Variants in AHR observed in about 807,000 individuals in gnomAD.
AHR encodes the protein aryl hydrocarbon receptor.
A neutral mutation model predicts 86.8 loss-of-function variants in AHR; 40 were observed. The observed-to-expected ratio is 0.46, with a 90% CI of 0.36 to 0.60. The LOEUF (loss-of-function observed/expected upper bound fraction) is 0.60, where lower values mean the gene tolerates loss of function less well. AHR is among the 20% of genes least tolerant of loss of function. AHR has a pLI of 0.00. For synonymous variants in AHR, 398 were observed against 354.9 expected (o/e 1.12, Z -1.37); for missense variants, 1,001 against 1,011.6 (o/e 0.99, Z 0.14).
intron 6 of AHR, among the ~76,000 whole-genome samples, chr7:17,332,675 T>C (rs1229729082): frequency 3.3e-5 from 5 of 151,840 alleles, no homozygotes; most frequent in Non-Finnish European, 7.4e-5. Flanking sequence ...TACAGAAGAG[T>C]CAAAAGTTAA....
intron 3 of AHR, among the ~76,000 whole-genome samples, chr7:17,326,981 G>A (rs901275550): frequency 6.6e-6 from 1 of 151,912 alleles, no homozygotes; most frequent in Non-Finnish European, 1.5e-5. Context: ...GAGAATAAAG[G>A]TATTAGTTGA....
intron 10 of AHR, among the ~76,000 whole-genome samples, chr7:17,342,551 A>G (rs1461553719): frequency 6.6e-6 from 1 of 152,100 alleles, no homozygotes; most frequent in Non-Finnish European, 1.5e-5. Context: ...ATAACTTCAA[A>G]CCTGGTCAAA....
intron 2 of AHR, among the ~76,000 whole-genome samples, chr7:17,316,126 G>T (rs576640645): frequency 6.6e-6 from 1 of 152,138 alleles, no homozygotes; most frequent in African/African-American, 2.4e-5. Flanking sequence ...TCTTAAATTG[G>T]AGAGCCAGAG....
chr7:17,342,848 T>A, intron 10 of AHR, 73 bp from the exon 11 acceptor site: 1 of 1,420,612 alleles, frequency 7.0e-7, no homozygotes, highest in Non-Finnish European at 9.7e-7. Flanking sequence ...AAAATACATG[T>A]TAATGTTATT....
chr7:17,303,162 T>C (rs1203504490), intron 1 of AHR, among the ~76,000 whole-genome samples: 4 of 152,124 alleles, frequency 2.6e-5, no homozygotes, highest in Non-Finnish European at 4.4e-5. Context: ...TTAGCACTTA[T>C]TCTGATACAA....
rs1277044506 is a variant in AHR, at chr7:17,322,626, A to C, written c.360+19A>C. On this transcript the variant is annotated intron_variant, in intron 3 of 10. Transcript: ENST00000242057. Reference sequence around the variant, plus strand: ...ATTACAGGTAAATTTTAGTAAATATAGTTTCTTACACTAAGGACAGTTGTA... The same window carrying C: ...ATTACAGGTAAATTTTAGTAAATATCGTTTCTTACACTAAGGACAGTTGTA... 1 of 1,432,580 alleles carries C rather than the reference A, an allele frequency of 7.0e-7. No homozygotes were observed. Among genetic ancestry groups the C allele is most frequent in the Non-Finnish European group, 9.8e-7 (1 of 1,019,774 alleles). 88.7% of individuals were successfully genotyped at this position (1,432,580 alleles called of 1,614,324 possible).
intron 2 of AHR, among the ~76,000 whole-genome samples, chr7:17,311,872 A>G (rs1473531911): frequency 6.6e-6 from 1 of 152,190 alleles, no homozygotes; most frequent in Non-Finnish European, 1.5e-5. Flanking sequence ...TCCTGACCAA[A>G]TAATACCTAC....
chr7:17,321,190 T>C (rs1782168563), intron 2 of AHR, among the ~76,000 whole-genome samples: 2 of 152,062 alleles, frequency 1.3e-5, no homozygotes. Flanking sequence ...GGTCAGAAAG[T>C]GGCAAGTATC....
chr7:17,330,605 TTA>T (rs1393307196), intron 5 of AHR, 149 bp from the exon 6 acceptor site: 16 of 604,934 alleles, frequency 2.6e-5, no homozygotes, highest in Non-Finnish European at 3.7e-5. Flanking sequence ...TAATAAACTT[TTA>T]GTTTCTTGTC....
At chr7:17,341,119 T>A (rs564423776) in intron 10 of AHR, among the ~76,000 whole-genome samples, 1 of 152,184 alleles carries the variant, frequency 6.6e-6, no homozygotes, top group East Asian at 1.9e-4. Flanking sequence ...AAGAATATCT[T>A]GACTAAAATT....
In AHR at chr7:17,343,493, C is replaced by G. The variant is rs1782448372; in HGVS notation, c.*429C>G. 2.4e-5 allele frequency: 4 copies of G among 164,168 alleles called. No homozygotes were observed. In the Admixed American group the frequency reaches 2.6e-4, roughly 11 times the overall value. The allele number at this position is 164,168 out of a possible 1,614,324, so 10.2% of individuals were successfully genotyped here. On this transcript the variant is annotated 3_prime_UTR_variant, in exon 11 of 11. Transcript: ENST00000242057. ...CCAAATACAAAGTTAGAGAACTAAA[C>G]TAGTTTTTCCTATCATGTTAACCTC...
At chr7:17,334,291 A>G (rs1025639342) in intron 7 of AHR, among the ~76,000 whole-genome samples, 177 bp downstream of exon 7, 8 of 152,060 alleles carry the variant, frequency 5.3e-5, no homozygotes, top group African/African-American at 1.9e-4. Flanking sequence ...CTCACAAATC[A>G]TCTTTTTAAT....
In AHR at chr7:17,340,171, C is replaced by G; in HGVS notation, c.2346C>G (p.His782Gln). ...GCCAGCCAGAACCTCAGCACACCCA[C>G]GTGGGTCAGATGCAGTACAATCCAG... is the stretch of plus-strand genomic sequence containing the variant. ...YQCQPEPQHT[H>Q]VGQMQYNPVL... is the part of the protein sequence containing the mutation. Residue 782 changes from histidine (H) to glutamine (Q), a missense_variant, in exon 10 of 11, where the codon CAC (histidine) becomes CAG (glutamine). Around this residue, in one of 2 missense-constraint regions of AHR, gnomAD observed 607 missense variants for 543.1 expected, o/e 1.12. Coordinates refer to ENST00000242057, the MANE Select transcript of AHR (RefSeq NM_001621.5). The G allele has an allele frequency of 6.2e-7, 1 of 1,614,184 alleles. No individual in the cohort carries two copies.
At chr7:17,337,654 T>G (rs1430974889) in intron 9 of AHR, among the ~76,000 whole-genome samples, 3 of 151,230 alleles carry the variant, frequency 2.0e-5, no homozygotes, top group Non-Finnish European at 4.4e-5. Flanking sequence ...TTTTTGTATT[T>G]TTAGTAGAGA....
chr7:17,339,975 T>A lies in AHR; in HGVS notation c.2150T>A (p.Leu717Gln), dbSNP rs868478703. 52 of 1,614,116 alleles carry A rather than the reference T, an allele frequency of 3.2e-5. 2 individuals carry two copies. The Middle Eastern group carries it at 5.1e-3, about 158-fold the overall frequency. Residue 717 changes from leucine (L) to glutamine (Q), a missense_variant, in exon 10 of 11, where the codon CTG (leucine) becomes CAG (glutamine). Leu to Gln is a moderately radical substitution (Grantham distance 113, BLOSUM62 -2). Transcript: ENST00000242057. ...VLPQHSKCTE[L>Q]DYPMGSFEPS... ...CCACAACATTCCAAATGTACAGAGC[T>A]GGACTACCCTATGGGGAGTTTTGAA...
At chr7:17,330,630 G>A (rs1782278260) in intron 5 of AHR, 126 bp from the exon 6 acceptor site, 3 of 805,130 alleles carry the variant, frequency 3.7e-6, no homozygotes, top group Non-Finnish European at 5.2e-6. Context: ...TAGCTCTTTT[G>A]AAAATGATTT....
chr7:17,329,985 A>G lies in AHR; in HGVS notation c.484A>G (p.Ile162Val). Residue 162 changes from isoleucine to valine, a missense_variant, in exon 5 of 11, where the codon ATC (isoleucine) becomes GTC (valine). Transcript: ENST00000242057. Reference protein sequence around the residue: ...DVIHQSVYELIHTEDRAEFQR... With the variant: ...DVIHQSVYELVHTEDRAEFQR... ...CATACATCAGAGTGTATATGAACTT[A>G]TCCATACCGAAGACCGAGCTGAATT... is the stretch of plus-strand genomic sequence containing the variant. 6.2e-7 allele frequency: 1 copy of G among 1,610,940 alleles called. No individual in the cohort carries two copies. The highest frequency in any genetic ancestry group is 8.5e-7 in the Non-Finnish European group (1 of 1,177,798).
intron 1 of AHR, 178 bp downstream of exon 1, chr7:17,299,507 G>C (rs1781932344): frequency 2.8e-6 from 2 of 709,440 alleles, no homozygotes; most frequent in East Asian, 5.8e-5. Context: ...GGATTCTCCC[G>C]TTTTCAATGA....
chr7:17,330,957 A>C, intron 6 of AHR, 71 bp downstream of exon 6: 1 of 1,518,810 alleles, frequency 6.6e-7, no homozygotes, highest in Non-Finnish European at 9.0e-7. Context: ...AATTTAATTT[A>C]GCAAAATATA....
Sources: gnomAD v4.1 joint callset for allele counts (sites outside exome capture counted in the v4.1 genomes callset) on GRCh38, gnomAD v4.1.1 for gene constraint, gnomAD v4.1.1 regional missense constraint, MANE v1.5 for transcripts, NCBI Gene and HGNC (gene_info 2026-07-23, HGNC 2026-07-21) for gene names.